CSMD1: variants seen among roughly 807,000 people sequenced by gnomAD.
CSMD1 encodes CUB and Sushi multiple domains 1, also known as CUB and sushi domain-containing protein 1.
In CSMD1, 213 loss-of-function variants were observed where a neutral mutation model predicts 417.5. That is an observed-to-expected ratio of 0.51 (90% CI 0.46 to 0.57). The LOEUF (loss-of-function observed/expected upper bound fraction) is 0.57. Among genes scored for constraint, CSMD1 ranks in the 20% least tolerant of loss-of-function variants. CSMD1 has a pLI of 0.00. For missense variants in CSMD1, 6,923 were observed against 4,529.7 expected (o/e 1.53, Z -15.17); for synonymous variants, 2,862 against 1,736.8 (o/e 1.65, Z -16.11).
intron 1 of CSMD1, among the ~76,000 whole-genome samples, chr8:4,930,912 A>G (rs1195627686): frequency 6.6e-6 from 1 of 152,186 alleles, no homozygotes; most frequent in South Asian, 2.1e-4. Context: ...CCCACCATCT[A>G]ACACAGTGGT....
intron 25 of CSMD1, among the ~76,000 whole-genome samples, chr8:3,296,850 C>CTTAAA (rs1563240385): frequency 2.6e-5 from 4 of 152,072 alleles, no homozygotes; most frequent in Non-Finnish European, 4.4e-5. Context: ...CTGTCTTGGA[C>CTTAAA]CTGTTGAGTT....
At chr8:4,152,685 G>A (rs985327923) in intron 3 of CSMD1, among the ~76,000 whole-genome samples, 2 of 151,312 alleles carry the variant, frequency 1.3e-5, no homozygotes, top group Non-Finnish European at 2.9e-5. Context: ...GCGAGACCTT[G>A]TCTCAAAAAA....
chr8:2,943,905 G>A (rs1209500231), intron 68 of CSMD1, among the ~76,000 whole-genome samples: 1 of 152,058 alleles, frequency 6.6e-6, no homozygotes, highest in Non-Finnish European at 1.5e-5. Context: ...TGTATTTATT[G>A]TTTTATAAAC....
intron 3 of CSMD1, among the ~76,000 whole-genome samples, chr8:4,181,971 T>TGG (rs1249183941): frequency 1.3e-5 from 2 of 150,942 alleles, no homozygotes; most frequent in Non-Finnish European, 3.0e-5. Flanking sequence ...TGTGTGTGTG[T>TGG]GTGATGTGTG....
chr8:4,663,812 C>T (rs1018460218), intron 1 of CSMD1, among the ~76,000 whole-genome samples: 1 of 152,152 alleles, frequency 6.6e-6, no homozygotes, highest in Non-Finnish European at 1.5e-5. Context: ...GCCTCTGGTT[C>T]CAGGCAGAAC....
chr8:3,276,874 A>G (rs1343372840), intron 26 of CSMD1, among the ~76,000 whole-genome samples: 1 of 152,162 alleles, frequency 6.6e-6, no homozygotes, highest in African/African-American at 2.4e-5. Context: ...TGTTCTAGGA[A>G]AACAAAGACC....
chr8:4,485,176 A>T (rs1801313151), intron 2 of CSMD1, among the ~76,000 whole-genome samples: 1 of 152,052 alleles, frequency 6.6e-6, no homozygotes, highest in South Asian at 2.1e-4. Flanking sequence ...ACTGATTTGT[A>T]TAAAGAGAGT....
At chr8:4,942,553 T>C (rs965784289) in intron 1 of CSMD1, among the ~76,000 whole-genome samples, 1 of 152,252 alleles carries the variant, frequency 6.6e-6, no homozygotes, top group Admixed American at 6.5e-5. Flanking sequence ...AGATTAGTAA[T>C]TCTCACATAT....
rs987752543 is a variant in CSMD1 at position 3,387,663 on chromosome 8, A to C, written c.2613T>G (p.Asp871Glu). The change falls in exon 18 of 70, where the codon GAT becomes GAG. Residue 871 changes from aspartate to glutamate, a missense_variant. Asp to Glu is a conservative substitution (Grantham distance 45). Transcript: ENST00000635120. Reference protein sequence around the residue: ...IHYESVTLESDSCLDPGIPVN... With the variant: ...IHYESVTLESESCLDPGIPVN... The stretch of plus-strand genomic sequence containing the variant: ...CAGGGATGCCCGGGTCCAGGCAGGA[A>C]TCCGACTCAAGCGTCACACCTGGAT... 2 of 1,597,638 alleles carry C rather than the reference A, an allele frequency of 1.3e-6. No individual in the cohort carries two copies. The highest frequency in any genetic ancestry group is 2.7e-5 in the African/African-American group (2 of 74,750).
At chr8:3,545,988 C>A (rs1356967480) in intron 10 of CSMD1, among the ~76,000 whole-genome samples, 1 of 152,180 alleles carries the variant, frequency 6.6e-6, no homozygotes, top group Non-Finnish European at 1.5e-5. Flanking sequence ...AATTAGTCAA[C>A]ATATTGATGA....
intron 3 of CSMD1, among the ~76,000 whole-genome samples, chr8:4,349,504 C>T (rs1250056246): frequency 6.6e-6 from 1 of 152,100 alleles, no homozygotes; most frequent in Non-Finnish European, 1.5e-5. Flanking sequence ...CTAGAATCTA[C>T]CTTCTTTTTC....
chr8:3,246,422 T>TA (rs1799883940), intron 26 of CSMD1, among the ~76,000 whole-genome samples: 1 of 152,156 alleles, frequency 6.6e-6, no homozygotes, highest in Non-Finnish European at 1.5e-5. Context: ...CTCTCACATA[T>TA]TAAACTCTTC....
chr8:4,918,851 T>C (rs1457511677), intron 1 of CSMD1, among the ~76,000 whole-genome samples: 1 of 152,204 alleles, frequency 6.6e-6, no homozygotes, highest in Non-Finnish European at 1.5e-5. Context: ...ATTGTTCATA[T>C]AATCACCACA....
chr8:4,765,415 G>C (rs182455770), intron 1 of CSMD1, among the ~76,000 whole-genome samples: 1 of 152,180 alleles, frequency 6.6e-6, no homozygotes, highest in African/African-American at 2.4e-5. Context: ...AGTCTTTCAA[G>C]ATAATTCACT....
At chr8:3,614,774 G>A (rs1042508182) in intron 8 of CSMD1, among the ~76,000 whole-genome samples, 6 of 152,208 alleles carry the variant, frequency 3.9e-5, no homozygotes, top group Non-Finnish European at 5.9e-5. Flanking sequence ...GCCACGCACA[G>A]TTTTAGTCAC....
chr8:3,149,099 A>G (rs1013267638), intron 40 of CSMD1, among the ~76,000 whole-genome samples: 1 of 152,138 alleles, frequency 6.6e-6, no homozygotes, highest in Non-Finnish European at 1.5e-5. Flanking sequence ...GTCTTTCTTT[A>G]AATAGTTTGT....
chr8:3,211,353 C>T (rs1797595598), intron 30 of CSMD1, among the ~76,000 whole-genome samples: 1 of 152,106 alleles, frequency 6.6e-6, no homozygotes, highest in South Asian at 2.1e-4. Context: ...TCTAAAATTC[C>T]ATCTTTGTAA....
chr8:3,805,890 C>G (rs1483670987), intron 5 of CSMD1, among the ~76,000 whole-genome samples: 1 of 152,054 alleles, frequency 6.6e-6, no homozygotes, highest in Admixed American at 6.6e-5. Flanking sequence ...TGGGGCAAAC[C>G]AAACACTTCT....
chr8:4,565,775 T>TAC (rs1554513783), intron 2 of CSMD1, among the ~76,000 whole-genome samples: 120 of 42,126 alleles, frequency 2.8e-3, no homozygotes, highest in Non-Finnish European at 6.8e-3. Context: ...TATATATATA[T>TAC]ATATATATAT....
Sources: gnomAD v4.1 joint callset for allele counts (sites outside exome capture counted in the v4.1 genomes callset) on GRCh38, gnomAD v4.1.1 for gene constraint, MANE v1.5 for transcripts, NCBI Gene and HGNC (gene_info 2026-07-23, HGNC 2026-07-21) for gene names.